The following FER1L6 variants were observed in gnomAD, a reference collection of about 807,000 sequenced individuals.
The protein encoded by FER1L6 is fer-1-like protein 6.
In FER1L6, 177 loss-of-function variants were observed where a neutral mutation model predicts 219.2. The ratio of observed to expected loss-of-function variants is 0.81; its 90% confidence interval spans 0.71 to 0.91. FER1L6 has a LOEUF of 0.91. Among genes scored for constraint, FER1L6 ranks in the 40% least tolerant of loss-of-function variants. The pLI is 0.00. For synonymous variants in FER1L6, 768 were observed against 824.3 expected, an observed-to-expected ratio of 0.93 and a Z score of 1.17; for missense variants, 2,153 against 2,259.9, an observed-to-expected ratio of 0.95 and a Z score of 0.96.
intron 39 of FER1L6, among the ~76,000 whole-genome samples, chr8:124,103,774 T>C (rs1019276744): frequency 6.6e-6 from 1 of 152,238 alleles, no homozygotes; most frequent in African/African-American, 2.4e-5. Flanking sequence ...ATTTTTGACC[T>C]TTCACAAATA....
rs137960062 is a variant in FER1L6, at chr8:124,097,775, C to G, written c.4785-10C>G. ...GGTCATCGACCTAATGCTTCCTTCT[C>G]CCATCCCAGATACGAATTGAGAGTG... On this transcript the variant is annotated splice_polypyrimidine_tract_variant and intron_variant, in intron 36 of 40. Transcript: ENST00000522917. 7 of 1,471,788 alleles carry G rather than the reference C, an allele frequency of 4.8e-6. No homozygotes were observed. The Admixed American group carries it at 1.0e-4, about 21-fold the overall frequency. 91.2% of individuals were successfully genotyped at this position (1,471,788 alleles called of 1,614,324 possible).
chr8:123,861,195 C>T lies in FER1L6; in HGVS notation c.-8+9010C>T, dbSNP rs1348784680. Among the ~76,000 whole-genome samples the T allele has an allele frequency of 5.4e-5, 7 of 128,498 alleles. No homozygotes were observed. The East Asian group carries it at 6.6e-4, about 12-fold the overall frequency. The allele number at this position is 128,498 out of a possible 152,430, so 84.3% of individuals were successfully genotyped here. A position where few individuals can be genotyped will look rare whatever the true frequency, so the allele number is the denominator to read the frequency against. ...GAAGGGATCCAGTTTCAGCTTTCTA[C>T]GTATGGCTAGCCAGTTTTCCCAGCA... On this transcript the variant is annotated intron_variant, in intron 1 of 40. Coordinates refer to ENST00000522917, the MANE Select transcript of FER1L6 (RefSeq NM_001039112.2).
At chr8:123,876,496 T>G (rs61546161) in intron 1 of FER1L6, among the ~76,000 whole-genome samples, 1 of 150,880 alleles carries the variant, frequency 6.6e-6, no homozygotes, top group African/African-American at 2.4e-5. Flanking sequence ...ATTTTTTTTG[T>G]TTTTTGTTTT....
chr8:123,998,132 G>A (rs1267770901), intron 12 of FER1L6, among the ~76,000 whole-genome samples: 1 of 152,126 alleles, frequency 6.6e-6, no homozygotes, highest in Non-Finnish European at 1.5e-5. Flanking sequence ...GTCTGGGGTT[G>A]TTTGCGCCCA....
At chr8:123,998,473 T>C (rs1817251188) in intron 12 of FER1L6, among the ~76,000 whole-genome samples, 1 of 148,954 alleles carries the variant, frequency 6.7e-6, no homozygotes, top group Non-Finnish European at 1.5e-5. Context: ...AGCACTTCTG[T>C]TGCTACCACC....
At chr8:124,002,097 C>G (rs1449758942) in intron 12 of FER1L6, among the ~76,000 whole-genome samples, 3 of 152,134 alleles carry the variant, frequency 2.0e-5, no homozygotes, top group Non-Finnish European at 4.4e-5. Context: ...GGCATGTGGG[C>G]TGGGCTTTTA....
chr8:123,913,426 T>C (rs1213083252), intron 1 of FER1L6, among the ~76,000 whole-genome samples: 1 of 152,228 alleles, frequency 6.6e-6, no homozygotes, highest in Non-Finnish European at 1.5e-5. Flanking sequence ...ATTTTCAACA[T>C]AGCCAGCTGC....
chr8:124,041,825 T>C (rs890464436), intron 20 of FER1L6, among the ~76,000 whole-genome samples: 1 of 152,136 alleles, frequency 6.6e-6, no homozygotes, highest in Non-Finnish European at 1.5e-5. Context: ...GTATAGACTC[T>C]GGAGCTGCGC....
intron 1 of FER1L6, among the ~76,000 whole-genome samples, chr8:123,893,835 T>C (rs1286415945): frequency 6.6e-6 from 1 of 152,210 alleles, no homozygotes; most frequent in African/African-American, 2.4e-5. Flanking sequence ...CATCTTGCTG[T>C]GATTTATCTT....
chr8:124,039,994 C>G lies in FER1L6; in HGVS notation c.2577C>G (p.Cys859Trp). ...PFAKVTFLSH[C>W]QTTKIISQTL... The stretch of plus-strand genomic sequence containing the variant: ...CCAAAGTCACGTTCCTTTCTCACTG[C>G]CAGACAACAAAGGTAACCAGGGTAA... Residue 859 changes from cysteine to tryptophan, a missense_variant, in exon 20 of 41, where the codon TGC becomes TGG. Transcript: ENST00000522917. 4 of 1,614,080 alleles carry G rather than the reference C, an allele frequency of 2.5e-6. No individual in the cohort carries two copies. The South Asian group carries it at 4.4e-5, about 18-fold the overall frequency.
chr8:124,004,385 C>T (rs1459167260), intron 13 of FER1L6, among the ~76,000 whole-genome samples: 2 of 152,066 alleles, frequency 1.3e-5, no homozygotes, highest in Non-Finnish European at 2.9e-5. Flanking sequence ...TATTTCTTCC[C>T]CCATTTTGTA....
chr8:123,921,404 G>A (rs757307838), intron 1 of FER1L6, among the ~76,000 whole-genome samples: 9 of 151,932 alleles, frequency 5.9e-5, no homozygotes, highest in Admixed American at 1.3e-4. Flanking sequence ...TTACTCTGTC[G>A]TCTAGGCTGG....
chr8:123,899,044 T>C (rs887738538), intron 1 of FER1L6, among the ~76,000 whole-genome samples: 3 of 152,052 alleles, frequency 2.0e-5, no homozygotes, highest in African/African-American at 7.2e-5. Context: ...CTGGATCAAA[T>C]GGTAGTTCTA....
At chr8:123,916,624 A>C (rs1245277352) in intron 1 of FER1L6, among the ~76,000 whole-genome samples, 1 of 152,208 alleles carries the variant, frequency 6.6e-6, no homozygotes, top group African/African-American at 2.4e-5. Flanking sequence ...AGAGAGAACA[A>C]AATTTCTCAT....
rs1410298509 is a variant in FER1L6 at position 123,852,619 on chromosome 8, G to A, written c.-8+434G>A. 6.6e-6 allele frequency among the ~76,000 whole-genome samples: 1 copy of A among 151,982 alleles called. No individual in the cohort carries two copies. Among genetic ancestry groups the A allele is most frequent in the Non-Finnish European group, 1.5e-5 (1 of 67,996 alleles). On this transcript the variant is annotated intron_variant, in intron 1 of 40. Coordinates refer to ENST00000522917, the MANE Select transcript of FER1L6 (RefSeq NM_001039112.2). The surrounding 1 kb of genome is among the most constrained non-coding windows in gnomAD (Gnocchi z 4.9). ...TGCCTCAGGAACTCATAGAAAATGT[G>A]GGGCCTCTCACAAGATTGTTAGACT...
chr8:124,019,082 T>C (rs1818334466), intron 16 of FER1L6, among the ~76,000 whole-genome samples: 1 of 152,202 alleles, frequency 6.6e-6, no homozygotes, highest in Non-Finnish European at 1.5e-5. Flanking sequence ...TAGATCATTA[T>C]TGTTTAAAAA....
rs376543942 is a variant in FER1L6, at chr8:124,060,223, C to G, written c.2918C>G (p.Pro973Arg). ...CAAGGCCTCCCACCCGTTGAGCCAC[C>G]AGACATCACCCAGATCTACCCGGTT... ...GLQGLPPVEPPDITQIYPVPA... is the reference protein window; with the variant it reads ...GLQGLPPVEPRDITQIYPVPA... Residue 973 changes from proline (P) to arginine (R), a missense_variant, in exon 23 of 41, where the codon CCA (proline) becomes CGA (arginine). Pro to Arg is a moderately radical substitution (Grantham distance 103). Coordinates refer to ENST00000522917, the MANE Select transcript of FER1L6 (RefSeq NM_001039112.2). 8.7e-6 allele frequency: 14 copies of G among 1,613,762 alleles called. No homozygotes were observed. The highest frequency in any genetic ancestry group is 1.1e-5 in the Non-Finnish European group (13 of 1,179,940).
chr8:123,900,730 G>A (rs1477958108), intron 1 of FER1L6, among the ~76,000 whole-genome samples: 6 of 152,050 alleles, frequency 3.9e-5, no homozygotes, highest in South Asian at 4.1e-4. Context: ...GGATTTTGTC[G>A]AATGCTTTTT....
chr8:123,922,675 A>G (rs1813405534), intron 1 of FER1L6, among the ~76,000 whole-genome samples: 1 of 152,212 alleles, frequency 6.6e-6, no homozygotes. Flanking sequence ...CCCTTTGCCA[A>G]GAGAAACTGA....
Sources: allele counts gnomAD v4.1 joint callset (sites outside exome capture counted in the v4.1 genomes callset), GRCh38; gene constraint gnomAD v4.1.1; non-coding constraint Gnocchi (gnomAD v3.1); transcripts MANE v1.5; gene names NCBI Gene and HGNC (gene_info 2026-07-23, HGNC 2026-07-21).